Variants in DNMBP observed in about 807,000 individuals in gnomAD.
The protein encoded by DNMBP is dynamin-binding protein.
DNMBP carries 87 observed loss-of-function variants against 150.0 expected under a neutral mutation model. The observed-to-expected ratio is 0.58, with a 90% CI of 0.49 to 0.69. DNMBP has a LOEUF of 0.69. DNMBP is among the 30% of genes least tolerant of loss of function. The pLI, the probability that DNMBP is intolerant of heterozygous loss-of-function variation, is 0.00. For missense variants in DNMBP, 1,774 were observed against 1,949.0 expected, an observed-to-expected ratio of 0.91 and a Z score of 1.69; for synonymous variants, 711 against 750.4, an observed-to-expected ratio of 0.95 and a Z score of 0.86.
At chr10:99,917,723 T>C (rs917338826) in intron 4 of DNMBP, among the ~76,000 whole-genome samples, 3 of 151,842 alleles carry the variant, frequency 2.0e-5, no homozygotes, top group Admixed American at 1.3e-4. Flanking sequence ...CCCAGCACTT[T>C]GGGAGGCCGA....
At chr10:99,894,374 GA>G (rs1480604671) in intron 11 of DNMBP, among the ~76,000 whole-genome samples, 2 of 152,206 alleles carry the variant, frequency 1.3e-5, no homozygotes, top group Non-Finnish European at 2.9e-5. Context: ...TGCTGGTTCT[GA>G]CCTCAGGGAG....
At chr10:100,005,764 C>CA (rs760685767) in intron 1 of DNMBP, among the ~76,000 whole-genome samples, 1,214 of 37,682 alleles carry the variant, frequency 0.032, 23 homozygotes, top group African/African-American at 0.08. Flanking sequence ...CAAAAGTCTC[C>CA]AAAAAAAAAA....
intron 1 of DNMBP, among the ~76,000 whole-genome samples, chr10:99,996,894 T>C (rs763443296): frequency 1.3e-5 from 2 of 152,106 alleles, no homozygotes; most frequent in African/African-American, 2.4e-5. Context: ...AAAAGAAAAA[T>C]ACAAGAAAAC....
intron 1 of DNMBP, among the ~76,000 whole-genome samples, chr10:99,973,267 T>C (rs1270649583): frequency 1.3e-5 from 2 of 152,128 alleles, no homozygotes; most frequent in Non-Finnish European, 2.9e-5. Flanking sequence ...ATATTTTTCA[T>C]TTGGACCGCA....
intron 4 of DNMBP, among the ~76,000 whole-genome samples, chr10:99,941,503 T>C (rs1467560056): frequency 1.3e-5 from 2 of 151,912 alleles, no homozygotes; most frequent in African/African-American, 4.8e-5. Flanking sequence ...AGTTTCACTC[T>C]TGTTGCCCAG....
At chr10:99,926,868 C>T (rs2040083852) in intron 4 of DNMBP, 1 of 152,048 alleles carries the variant, frequency 6.6e-6, no homozygotes, top group Admixed American at 6.6e-5. Flanking sequence ...AATTTGAGTC[C>T]CTCCAAGTTA....
intron 4 of DNMBP, among the ~76,000 whole-genome samples, chr10:99,946,983 C>T (rs771035055): frequency 1.4e-4 from 21 of 152,260 alleles, no homozygotes; most frequent in South Asian, 6.2e-4. Flanking sequence ...CTTAACATCG[C>T]TAATCATCAG....
intron 9 of DNMBP, among the ~76,000 whole-genome samples, chr10:99,896,772 G>A (rs2039662686): frequency 6.6e-6 from 1 of 152,166 alleles, no homozygotes; most frequent in Admixed American, 6.5e-5. Context: ...ATCTTAAATG[G>A]TGCCATACAC....
chr10:99,883,385 T>TGG (rs2039399028), intron 15 of DNMBP, among the ~76,000 whole-genome samples: 1 of 152,074 alleles, frequency 6.6e-6, no homozygotes, highest in Non-Finnish European at 1.5e-5. Flanking sequence ...GAAGAGGTGC[T>TGG]GGGTGCGGTG....
rs190703765 is a variant in DNMBP, at chr10:99,900,166, A to T, written c.2555-100T>A. 12 of 1,165,758 alleles carry T rather than the reference A, an allele frequency of 1.0e-5. No homozygotes were observed. The African/African-American group carries it at 1.1e-4, about 10-fold the overall frequency. The allele number at this position is 1,165,758 out of a possible 1,614,324, so 72.2% of individuals were successfully genotyped here. ...CAAACTTTAGTACCAGCTAAATCCT[A>T]CCTATTACAAGAAATGATACTAAGA... On this transcript the variant is annotated intron_variant, in intron 6 of 16. Coordinates refer to ENST00000324109, the MANE Select transcript of DNMBP (RefSeq NM_015221.4).
intron 4 of DNMBP, among the ~76,000 whole-genome samples, chr10:99,944,598 C>T (rs1379322604): frequency 1.3e-5 from 2 of 152,226 alleles, no homozygotes; most frequent in East Asian, 3.9e-4. Context: ...CTATAATGTT[C>T]ATCGCTATGT....
Position 99,968,465 on chromosome 10 carries a change from T to C in DNMBP, c.268+650A>G, listed in dbSNP as rs139758799. Among the ~76,000 whole-genome samples, 1,158 of 152,184 alleles carry C rather than the reference T, an allele frequency of 7.6e-3. 13 individuals carry two copies. Among genetic ancestry groups the C allele is most frequent in the African/African-American group, 0.025 (1,037 of 41,518 alleles). On this transcript the variant is annotated intron_variant, in intron 3 of 16. Coordinates refer to ENST00000324109, the MANE Select transcript of DNMBP (RefSeq NM_015221.4). ...ACTTTGGGAGGCCGAGGCAGGCAGA[T>C]TGTTTGAGCCTAGGAGTTCGAGACC...
At chr10:99,950,059 T>G (rs1038055498) in intron 4 of DNMBP, among the ~76,000 whole-genome samples, 2 of 152,168 alleles carry the variant, frequency 1.3e-5, no homozygotes, top group African/African-American at 4.8e-5. Context: ...TTCCTACGTG[T>G]TGTGGGAGGG....
chr10:99,900,026 T>C lies in DNMBP; in HGVS notation c.2595A>G (p.Thr865=), dbSNP rs148579721. Reference sequence around the variant, plus strand: ...CATGATTCTGGCAGTAAATCTTGTATGTTCCCTCAAGCTCATCCCGGTGAC... The same window carrying C: ...CATGATTCTGGCAGTAAATCTTGTACGTTCCCTCAAGCTCATCCCGGTGAC... ...FLGHRDELEG[T]YKIYCQNHDE... Residue 865 remains threonine, a synonymous_variant, in exon 7 of 17, where the codon ACA becomes ACG. Coordinates refer to ENST00000324109, the MANE Select transcript of DNMBP (RefSeq NM_015221.4). The C allele has an allele frequency of 1.1e-5, 18 of 1,614,174 alleles. No individual in the cohort carries two copies. In the South Asian group the frequency reaches 1.9e-4, roughly 17 times the overall value.
chr10:99,902,651 G>T (rs2039762187), intron 6 of DNMBP, among the ~76,000 whole-genome samples: 1 of 149,980 alleles, frequency 6.7e-6, no homozygotes, highest in South Asian at 2.1e-4. Context: ...TTGTTGGCTG[G>T]ACGTAGTGGC....
Position 99,899,987 on chromosome 10 carries a change from C to T in DNMBP, c.2634G>A (p.Ala878=), listed in dbSNP as rs147965302. 6.4e-5 allele frequency: 103 copies of T among 1,614,080 alleles called. No individual in the cohort carries two copies. The highest frequency in any genetic ancestry group is 8.9e-5 in the East Asian group (4 of 44,862). The stretch of plus-strand genomic sequence containing the variant: ...CATCCTTCTCGTAGATTTCAAGCAG[C>T]GCAATGGCCTCATCATGATTCTGGC... ...IYCQNHDEAI[A]LLEIYEKDEK... The change falls in exon 7 of 17, where the codon GCG becomes GCA. Residue 878 remains alanine, a synonymous_variant. Coordinates refer to ENST00000324109, the MANE Select transcript of DNMBP (RefSeq NM_015221.4).
intron 4 of DNMBP, among the ~76,000 whole-genome samples, chr10:99,915,448 T>A (rs935082946): frequency 5.3e-5 from 8 of 150,312 alleles, no homozygotes; most frequent in Non-Finnish European, 1.0e-4. Context: ...GGCTCATGAC[T>A]ATAATTCCAG....
Position 99,884,098 on chromosome 10 carries a change from C to A in DNMBP, c.3910G>T (p.Val1304Phe). The A allele has an allele frequency of 6.2e-7, 1 of 1,614,104 alleles. No homozygotes were observed. Among genetic ancestry groups the A allele is most frequent in the Non-Finnish European group, 8.5e-7 (1 of 1,180,024 alleles). ...RNFNAAQDLD[V>F]SLLEGDLVGV... ...ACCAGGTCACCTTCCAAAAGTGAGA[C>A]ATCCAAGTCTTGAGCAGCATTGAAG... The change falls in exon 15 of 17, where the codon GTC (valine) becomes TTC (phenylalanine). Residue 1304 changes from valine (V) to phenylalanine (F), a missense_variant. By Grantham distance (50) the Val-to-Phe change is conservative. Transcript: ENST00000324109.
intron 4 of DNMBP, among the ~76,000 whole-genome samples, chr10:99,934,964 T>C (rs1460705762): frequency 7.1e-6 from 1 of 139,898 alleles, no homozygotes; most frequent in African/African-American, 2.7e-5. Context: ...CGCATGCCTG[T>C]AGTCTCAGCT....
Sources: gnomAD v4.1 joint callset for allele counts (sites outside exome capture counted in the v4.1 genomes callset) on GRCh38, gnomAD v4.1.1 for gene constraint, MANE v1.5 for transcripts, NCBI Gene and HGNC (gene_info 2026-07-23, HGNC 2026-07-21) for gene names.